The following FRMD7 variants were observed in gnomAD, a reference collection of about 807,000 sequenced individuals.
FRMD7 encodes FERM domain-containing protein 7.
Under a neutral mutation model 44.1 loss-of-function variants are expected in FRMD7, and 14 were observed. The ratio of observed to expected loss-of-function variants is 0.32; its 90% CI spans 0.21 to 0.50. The LOEUF (loss-of-function observed/expected upper bound fraction) is 0.50, where lower values mean the gene tolerates loss of function less well. Ranked by LOEUF, FRMD7 falls within the 20% of genes least tolerant of loss-of-function variation. FRMD7 has a pLI of 0.99. For synonymous variants in FRMD7, 212 were observed against 187.4 expected (o/e 1.13, Z -1.07); for missense variants, 501 against 522.3 (o/e 0.96, Z 0.40).
intron 1 of FRMD7, among the ~76,000 whole-genome samples, chrX:132,117,769 G>C (rs763472896): frequency 2.7e-5 from 3 of 111,948 alleles, no homozygotes; most frequent in Non-Finnish European, 5.6e-5. Context: ...ATTAGTTACT[G>C]TTATATGAAA....
chrX:132,122,088 T>A (rs1411373073), intron 1 of FRMD7, among the ~76,000 whole-genome samples: 2 of 111,971 alleles, frequency 1.8e-5, no homozygotes, highest in African/African-American at 3.2e-5. Context: ...AAAGTCCAGT[T>A]GAAAGTGAAA....
At chrX:132,079,725 GC>G (rs1488941731) in intron 11 of FRMD7, among the ~76,000 whole-genome samples, 4 of 111,770 alleles carry the variant, frequency 3.6e-5, no homozygotes, top group Non-Finnish European at 7.5e-5. Flanking sequence ...AAAATTCAAA[GC>G]CATTTGGATC....
intron 1 of FRMD7, among the ~76,000 whole-genome samples, chrX:132,123,131 C>T (rs1929077035): frequency 9.0e-6 from 1 of 111,295 alleles, no homozygotes; most frequent in Non-Finnish European, 1.9e-5. Context: ...ACCTTCTTAA[C>T]TCCTACTCAG....
intron 3 of FRMD7, among the ~76,000 whole-genome samples, chrX:132,099,077 A>G (rs1007025453): frequency 8.9e-6 from 1 of 112,034 alleles, no homozygotes; most frequent in African/African-American, 3.2e-5. Flanking sequence ...GCACTTAAAT[A>G]TGAACTAAAG....
At chrX:132,100,796 A>C in intron 1 of FRMD7, 80 bp from the exon 2 acceptor site, 1 of 693,473 alleles carries the variant, frequency 1.4e-6, no homozygotes, top group Non-Finnish European at 2.3e-6. Flanking sequence ...TAGAAGCCAC[A>C]AGACTCTCTG....
rs140765085 is a variant in FRMD7, at chrX:132,085,647, G to T, written c.579C>A (p.Pro193=). 8.3e-7 allele frequency: 1 copy of T among 1,206,732 alleles called. No individual in the cohort carries two copies. Among genetic ancestry groups the T allele is most frequent in the African/African-American group, 1.8e-5 (1 of 57,097 alleles). ...KLDMYGIRPH[P]ASDGEGMQIH... ...TCTGCATCCCTTCACCATCACTGGC[G>T]GGGTGAGGCCTGATGCCATACATAT... The change falls in exon 7 of 12, where the codon CCC becomes CCA. Residue 193 remains proline (P), a synonymous_variant. Transcript: ENST00000298542.
At chrX:132,096,540 G>T (rs1928339657) in intron 4 of FRMD7, among the ~76,000 whole-genome samples, 1 of 103,488 alleles carries the variant, frequency 9.7e-6, no homozygotes, top group Non-Finnish European at 2.0e-5. Flanking sequence ...ACATAGCAAA[G>T]CCCCATCTCT....
At chrX:132,120,729 G>T (rs1300613563) in intron 1 of FRMD7, among the ~76,000 whole-genome samples, 3 of 112,313 alleles carry the variant, frequency 2.7e-5, no homozygotes, top group Non-Finnish European at 5.6e-5. Context: ...CAGAGGGTGG[G>T]GCAGGCAGCA....
At chrX:132,127,642 A>C in intron 1 of FRMD7, 146 bp downstream of exon 1, 3 of 533,228 alleles carry the variant, frequency 5.6e-6, no homozygotes, top group Admixed American at 5.1e-5. Flanking sequence ...GATGTTAAAT[A>C]CAGATTATTT....
At chrX:132,096,584 G>T (rs80335346) in intron 4 of FRMD7, among the ~76,000 whole-genome samples, 1,842 of 94,188 alleles carry the variant, frequency 0.02, 41 homozygotes, top group African/African-American at 0.074. Flanking sequence ...AATTAGCCGG[G>T]CGTGGCGGCA....
intron 5 of FRMD7, 123 bp downstream of exon 5, chrX:132,093,919 T>C (rs989515993): frequency 2.4e-5 from 13 of 540,298 alleles, no homozygotes; most frequent in African/African-American, 1.6e-4. Flanking sequence ...CTCTATCTTA[T>C]CCAGGCTTTC....
intron 1 of FRMD7, among the ~76,000 whole-genome samples, chrX:132,123,019 C>G (rs1039321120): frequency 1.8e-5 from 2 of 111,769 alleles, no homozygotes; most frequent in African/African-American, 6.5e-5. Flanking sequence ...TTAGATTGAC[C>G]CTTTTGTTCT....
chrX:132,118,306 T>G (rs746467570), intron 1 of FRMD7, among the ~76,000 whole-genome samples: 1 of 111,366 alleles, frequency 9.0e-6, no homozygotes, highest in African/African-American at 3.3e-5. Context: ...TGTTGCAGAA[T>G]TTTGCTCCTT....
intron 1 of FRMD7, among the ~76,000 whole-genome samples, chrX:132,103,612 C>A (rs1055791175): frequency 9.0e-5 from 10 of 111,257 alleles, no homozygotes; most frequent in African/African-American, 3.3e-4. Context: ...ACACTGATTC[C>A]TGGGGGCTTC....
intron 5 of FRMD7, among the ~76,000 whole-genome samples, chrX:132,092,635 A>C (rs1928212162): frequency 8.9e-6 from 1 of 112,048 alleles, no homozygotes; most frequent in African/African-American, 3.3e-5. Context: ...AACGGCCACT[A>C]GGGAATGCTC....
Position 132,094,087 on chromosome X carries a change from A to G in FRMD7, c.337T>C (p.Cys113Arg), listed in dbSNP as rs1416800877. ...ATCAACGCTGTACAGTTGTCACTGC[A>G]TGGAAGCCTTCCTAGAGCCAAATCC... ...KKDLALGRLP[C>R]SDNCTALMVS... The change falls in exon 5 of 12, where the codon TGC (cysteine) becomes CGC (arginine). Residue 113 changes from cysteine to arginine, a missense_variant. Coordinates refer to ENST00000298542, the MANE Select transcript of FRMD7 (RefSeq NM_194277.3). The G allele has an allele frequency of 8.4e-7, 1 of 1,186,892 alleles. No individual in the cohort carries two copies. The highest frequency in any genetic ancestry group is 1.8e-5 in the African/African-American group (1 of 57,005).
rs1490603944 is a variant in FRMD7, at chrX:132,099,628, T to C, written c.163-118A>G. On this transcript the variant is annotated intron_variant, in intron 2 of 11. Transcript: ENST00000298542. ...TGAGTACCAGGACTATTTAGACTTCTAAAGGTAGAAACAAACAGCAATGTC... is the reference window on the plus strand; with the variant it reads ...TGAGTACCAGGACTATTTAGACTTCCAAAGGTAGAAACAAACAGCAATGTC... 5 of 502,116 alleles carry C rather than the reference T, an allele frequency of 1.0e-5. No homozygotes were observed. The Admixed American group carries it at 1.5e-4, about 15-fold the overall frequency. The allele number at this position is 502,116 out of a possible 1,213,427, so 41.4% of individuals were successfully genotyped here. A position where few individuals can be genotyped will look rare whatever the true frequency, so the allele number is the denominator to read the frequency against.
Position 132,077,514 on chromosome X carries a change from G to A in FRMD7, c.*358C>T, listed in dbSNP as rs1927640492. ...TCTACTAAATCACTAAATGCCATTA[G>A]ACGCTAATTCCATATGCCAACCCAT... On this transcript the variant is annotated 3_prime_UTR_variant, in exon 12 of 12. Coordinates refer to ENST00000298542, the MANE Select transcript of FRMD7 (RefSeq NM_194277.3). 1 of 209,022 alleles carries A rather than the reference G, an allele frequency of 4.8e-6. No individual in the cohort carries two copies. The highest frequency in any genetic ancestry group is 2.9e-5 in the African/African-American group (1 of 35,028). 17.2% of individuals were successfully genotyped at this position (209,022 alleles called of 1,213,427 possible). A position where few individuals can be genotyped will look rare whatever the true frequency, so the allele number is the denominator to read the frequency against.
At chrX:132,114,662 G>A (rs1928858132) in intron 1 of FRMD7, among the ~76,000 whole-genome samples, 1 of 111,977 alleles carries the variant, frequency 8.9e-6, no homozygotes, top group South Asian at 3.7e-4. Context: ...TGATCTCCCT[G>A]TCCAGGAGTG....
Sources: allele counts gnomAD v4.1 joint callset (sites outside exome capture counted in the v4.1 genomes callset), GRCh38; gene constraint gnomAD v4.1.1; transcripts MANE v1.5; gene names NCBI Gene and HGNC (gene_info 2026-07-23, HGNC 2026-07-21).